The following MACF1 variants were observed in gnomAD, a reference collection of about 807,000 sequenced individuals.
MACF1 encodes the protein microtubule actin crosslinking factor 1.
A neutral mutation model predicts 854.8 loss-of-function variants in MACF1; 193 were observed. That is an observed-to-expected ratio of 0.23 (90% CI 0.20 to 0.25). The LOEUF (loss-of-function observed/expected upper bound fraction) is 0.25, where lower values mean the gene tolerates loss of function less well. MACF1 is among the 10% of genes least tolerant of loss of function. The pLI is 1.00. For synonymous variants in MACF1, 3,185 were observed against 3,226.7 expected, an observed-to-expected ratio of 0.99 and a Z score of 0.44; for missense variants, 7,722 against 8,929.1, an observed-to-expected ratio of 0.86 and a Z score of 5.45.
rs146351628 is a variant in MACF1, at chr1:39,422,632, A to G, written c.15978+97A>G. The G allele has an allele frequency of 1.7e-5, 26 of 1,539,626 alleles. No homozygotes were observed. The East Asian group carries it at 5.7e-4, about 34-fold the overall frequency. On this transcript the variant is annotated intron_variant, in intron 59 of 100. Transcript: ENST00000564288. ...TCCCGAAACCTGAATGGAAATAAAA[A>G]TTTAGCAGTTGCAATCTATAATTAC... is the stretch of plus-strand genomic sequence containing the variant.
chr1:39,342,527 G>C (rs1400666151), intron 40 of MACF1, among the ~76,000 whole-genome samples: 1 of 148,848 alleles, frequency 6.7e-6, no homozygotes, highest in Non-Finnish European at 1.5e-5. Flanking sequence ...TACAGCATGG[G>C]TTGGCAAACT....
chr1:39,303,952 T>C (rs1476728298), intron 23 of MACF1, among the ~76,000 whole-genome samples: 2 of 151,866 alleles, frequency 1.3e-5, no homozygotes, highest in Non-Finnish European at 2.9e-5. Context: ...ATGGAAATTA[T>C]TTACATGATG....
At chr1:39,280,880 A>G (rs545784447) in intron 6 of MACF1, among the ~76,000 whole-genome samples, 1 of 152,332 alleles carries the variant, frequency 6.6e-6, no homozygotes, top group African/African-American at 2.4e-5. Flanking sequence ...ACACAGCCCA[A>G]AATAACATTT....
At chr1:39,301,297 T>G (rs1031533946) in intron 22 of MACF1, among the ~76,000 whole-genome samples, 46 of 151,558 alleles carry the variant, frequency 3.0e-4, no homozygotes, top group Admixed American at 2.8e-3. Flanking sequence ...CGCCTAAGTT[T>G]TTGTATTTTT....
rs555290985 is a variant in MACF1, at chr1:39,474,506, G to A, written c.21958+4891G>A. Among the ~76,000 whole-genome samples the A allele has an allele frequency of 2.6e-5, 4 of 152,230 alleles. 1 individual carries two copies. The South Asian group carries it at 6.2e-4, about 24-fold the overall frequency. ...AGGTCAGGAGTTCAAGACCAGCCTG[G>A]CCCACATGGTGAAACCCTGTCTCTA... On this transcript the variant is annotated intron_variant, in intron 97 of 100. Transcript: ENST00000564288.
At chr1:39,419,505 A>T (rs542718725) in intron 58 of MACF1, among the ~76,000 whole-genome samples, 14 of 152,352 alleles carry the variant, frequency 9.2e-5, no homozygotes, top group Middle Eastern at 6.8e-3. Flanking sequence ...TAAGTATTTA[A>T]TGTAGATATT....
intron 2 of MACF1, among the ~76,000 whole-genome samples, chr1:39,120,674 T>C (rs1048008488): frequency 2.6e-5 from 4 of 152,204 alleles, no homozygotes; most frequent in Admixed American, 6.5e-5. Context: ...CAATGCAAAC[T>C]TCTTTTAAAA....
intron 2 of MACF1, among the ~76,000 whole-genome samples, chr1:39,093,803 T>C (rs1394227735): frequency 6.7e-6 from 1 of 150,322 alleles, no homozygotes; most frequent in Non-Finnish European, 1.5e-5. Context: ...TTTTCTTTTT[T>C]TTGAGACGGA....
intron 14 of MACF1, 114 bp from the exon 15 acceptor site, chr1:39,287,172 G>A: frequency 8.6e-7 from 1 of 1,160,860 alleles, no homozygotes; most frequent in Non-Finnish European, 1.2e-6. Context: ...TGTTGTCTAG[G>A]CTGGCTCATT....
chr1:39,123,389 G>A (rs1642770729), intron 2 of MACF1, among the ~76,000 whole-genome samples: 1 of 151,172 alleles, frequency 6.6e-6, no homozygotes, highest in Non-Finnish European at 1.5e-5. Context: ...TGTATTTTTA[G>A]TGGAGATGGG....
intron 36 of MACF1, 37 bp downstream of exon 36, chr1:39,327,390 A>G (rs780297604): frequency 4.5e-6 from 7 of 1,568,790 alleles, no homozygotes; most frequent in South Asian, 3.4e-5. Flanking sequence ...TTGGGTGGAT[A>G]CCTTTTGAAT....
chr1:39,430,864 CA>C lies in MACF1; in HGVS notation c.17296del (p.Arg5766GlyfsTer23). 1 of 1,612,544 alleles carries C rather than the reference CA, an allele frequency of 6.2e-7. No homozygotes were observed. Among genetic ancestry groups the C allele is most frequent in the Non-Finnish European group, 8.5e-7 (1 of 1,179,986 alleles). ...CAAACTAGTCAGTGACACTATTGGA[CA>C]AAGGGTGGATGAAATTGATGCTGCT... ...QYKLVSDTIG[Q>X]RVDEIDAAIQ... On this transcript the variant is annotated frameshift_variant, in exon 66 of 101. Coordinates refer to ENST00000564288, the MANE Select transcript of MACF1 (RefSeq NM_001394062.1). LOFTEE classifies it high-confidence loss of function.
intron 6 of MACF1, chr1:39,269,216 C>G: frequency 7.8e-7 from 1 of 1,289,974 alleles, no homozygotes; most frequent in Non-Finnish European, 1.0e-6. Context: ...CATCCTGCAG[C>G]AGCAGGGCTG....
chr1:39,352,056 C>T (rs1317231034), intron 43 of MACF1, among the ~76,000 whole-genome samples: 4 of 152,154 alleles, frequency 2.6e-5, no homozygotes, highest in African/African-American at 9.7e-5. Flanking sequence ...AAATGACCTT[C>T]TGCACCCCAC....
intron 58 of MACF1, among the ~76,000 whole-genome samples, chr1:39,421,259 G>A (rs906799167): frequency 2.6e-5 from 4 of 152,152 alleles, no homozygotes; most frequent in African/African-American, 9.7e-5. Context: ...AACTGTAGTA[G>A]AGCAAAATAT....
intron 58 of MACF1, chr1:39,413,976 C>T: frequency 6.2e-7 from 1 of 1,607,272 alleles, no homozygotes. Context: ...CAGTGTCCAA[C>T]CCAGAGGAGC....
intron 62 of MACF1, 119 bp downstream of exon 62, chr1:39,427,733 T>G (rs1426068761): frequency 1.8e-6 from 2 of 1,087,712 alleles, no homozygotes; most frequent in African/African-American, 1.6e-5. Context: ...TAAAATATGG[T>G]CAGATTATTA....
At chr1:39,480,041 C>G (rs753288727) in intron 98 of MACF1, 32 bp downstream of exon 98, 4 of 1,571,188 alleles carry the variant, frequency 2.5e-6, no homozygotes, top group Non-Finnish European at 3.5e-6. Context: ...GCCCTTCTTC[C>G]CCAATCCCAC....
chr1:39,412,485 C>G (rs1643060773), intron 58 of MACF1: 5 of 1,614,040 alleles, frequency 3.1e-6, no homozygotes, highest in Non-Finnish European at 3.4e-6. Context: ...CACATTTCCA[C>G]AGAAACTTCC....
Sources: allele counts gnomAD v4.1 joint callset (sites outside exome capture counted in the v4.1 genomes callset), GRCh38; gene constraint gnomAD v4.1.1; transcripts MANE v1.5; gene names NCBI Gene and HGNC (gene_info 2026-07-23, HGNC 2026-07-21).